OTOG: variants seen among roughly 807,000 people sequenced by gnomAD.
OTOG encodes the protein otogelin.
In OTOG, 296 loss-of-function variants were observed where a neutral mutation model predicts 313.8. The observed-to-expected ratio is 0.94, with a 90% CI of 0.86 to 1.04. The LOEUF is 1.04. OTOG is among the 50% of genes least tolerant of loss of function. The pLI, the probability that OTOG is intolerant of heterozygous loss-of-function variation, is 0.00. For synonymous variants in OTOG, 1,533 were observed against 1,554.9 expected (o/e 0.99, Z 0.33); for missense variants, 3,948 against 3,840.1 (o/e 1.03, Z -0.74).
chr11:17,551,358 T>C (rs1214844408), intron 3 of OTOG, among the ~76,000 whole-genome samples: 1 of 152,194 alleles, frequency 6.6e-6, no homozygotes, highest in Admixed American at 6.5e-5. Flanking sequence ...GGAGAGACCA[T>C]GCTCTGGGAG....
At chr11:17,599,842 A>G in intron 31 of OTOG, 145 bp downstream of exon 31, 1 of 978,074 alleles carries the variant, frequency 1.0e-6, no homozygotes, top group Non-Finnish European at 1.5e-6. Flanking sequence ...TCATGCAGAG[A>G]GAGCCCTGAC....
intron 23 of OTOG, among the ~76,000 whole-genome samples, chr11:17,583,880 G>T (rs1246341100): frequency 1.3e-5 from 2 of 151,998 alleles, no homozygotes; most frequent in African/African-American, 2.4e-5. Flanking sequence ...AAACTGTGTT[G>T]AATTTATAGA....
At chr11:17,584,975 T>C (rs1188488176) in intron 23 of OTOG, among the ~76,000 whole-genome samples, 2 of 152,268 alleles carry the variant, frequency 1.3e-5, no homozygotes, top group Non-Finnish European at 2.9e-5. Flanking sequence ...TTATTTAATA[T>C]TCTGTGGTCT....
intron 11 of OTOG, 78 bp downstream of exon 11, chr11:17,559,239 TCC>T: frequency 8.8e-7 from 1 of 1,132,862 alleles, no homozygotes; most frequent in Non-Finnish European, 1.2e-6. Context: ...CAATGTCTTG[TCC>T]TGCTCAGAAT....
chr11:17,562,904 C>G (rs1165719081), intron 15 of OTOG, among the ~76,000 whole-genome samples: 1 of 152,192 alleles, frequency 6.6e-6, no homozygotes, highest in African/African-American at 2.4e-5. Context: ...CATGGCTCCA[C>G]CTCCCTGGGC....
Position 17,609,688 on chromosome 11 carries a change from C to T in OTOG, c.4388C>T (p.Ala1463Val). 1 of 1,513,640 alleles carries T rather than the reference C, an allele frequency of 6.6e-7. No individual in the cohort carries two copies. The highest frequency in any genetic ancestry group is 8.9e-7 in the Non-Finnish European group (1 of 1,128,200). 93.8% of individuals were successfully genotyped at this position (1,513,640 alleles called of 1,614,324 possible). The change falls in exon 36 of 56, where the codon GCC becomes GTC. Residue 1463 changes from alanine (A) to valine (V), a missense_variant. Physicochemically the swap from Ala to Val is moderately conservative, Grantham distance 64. Coordinates refer to ENST00000399397, the MANE Select transcript of OTOG (RefSeq NM_001292063.2). Reference sequence around the variant, plus strand: ...CCAGCAGTTTGGGTTCCCACAGAGGCCCTTGGCAATGAGACCCTCCCTCCC... The same window carrying T: ...CCAGCAGTTTGGGTTCCCACAGAGGTCCTTGGCAATGAGACCCTCCCTCCC... ...VEPAVWVPTEALGNETLPPSQ... is the reference protein window; with the variant it reads ...VEPAVWVPTEVLGNETLPPSQ...
chr11:17,600,297 G>T (rs1017412188), intron 31 of OTOG, among the ~76,000 whole-genome samples: 4 of 152,054 alleles, frequency 2.6e-5, no homozygotes, highest in Non-Finnish European at 2.9e-5. Context: ...GGTGGGTGGG[G>T]TAGAGAAGGG....
At chr11:17,624,161 G>C (rs184763550) in intron 39 of OTOG, among the ~76,000 whole-genome samples, 15 of 152,184 alleles carry the variant, frequency 9.9e-5, no homozygotes, top group African/African-American at 2.9e-4. Flanking sequence ...AGTTTAATTA[G>C]ATCCCATTTG....
chr11:17,608,810 G>C (rs1436482055), intron 34 of OTOG, among the ~76,000 whole-genome samples: 1 of 152,202 alleles, frequency 6.6e-6, no homozygotes, highest in Non-Finnish European at 1.5e-5. Flanking sequence ...ATGAGGCCAT[G>C]TGAGAATGTG....
At position 17,593,697 on chromosome 11, in the gene OTOG, A is replaced by G. The variant is rs56359117; in HGVS notation, c.3229A>G (p.Ile1077Val). 7.5e-4 allele frequency: 1,159 copies of G among 1,548,966 alleles called. 1 individual carries two copies. Among genetic ancestry groups the G allele is most frequent in the South Asian group, 1.2e-3 (104 of 83,982 alleles). ...ACTGGTGCATTTCCCACAGGAGCAC[A>G]TCACCCTCTTGTGGGACCAGAGAAC... Reference protein sequence around the residue: ...FTLVHFPQEHITLLWDQRTTV... With the variant: ...FTLVHFPQEHVTLLWDQRTTV... The change falls in exon 27 of 56, where the codon ATC (isoleucine) becomes GTC (valine). Residue 1077 changes from isoleucine to valine, a missense_variant. Physicochemically the swap from Ile to Val is conservative, Grantham distance 29 (BLOSUM62 3). Coordinates refer to ENST00000399397, the MANE Select transcript of OTOG (RefSeq NM_001292063.2).
Position 17,634,962 on chromosome 11 carries a change from G to A in OTOG, c.7585+14G>A. The A allele has an allele frequency of 1.3e-6, 2 of 1,496,630 alleles. No individual in the cohort carries two copies. Among genetic ancestry groups the A allele is most frequent in the African/African-American group, 1.4e-5 (1 of 71,438 alleles). The allele number at this position is 1,496,630 out of a possible 1,614,324, so 92.7% of individuals were successfully genotyped here. A position where few individuals can be genotyped will look rare whatever the true frequency, so the allele number is the denominator to read the frequency against. Reference sequence around the variant, plus strand: ...GCTACAGCTGTGGTGAGAGGCCCGGGGTGGGGAGGGTGGGGGACGGACTGA... The same window carrying A: ...GCTACAGCTGTGGTGAGAGGCCCGGAGTGGGGAGGGTGGGGGACGGACTGA... On this transcript the variant is annotated intron_variant, in intron 45 of 55. Coordinates refer to ENST00000399397, the MANE Select transcript of OTOG (RefSeq NM_001292063.2).
Position 17,641,904 on chromosome 11 carries a change from G to A in OTOG, c.8248G>A (p.Val2750Met), listed in dbSNP as rs528827851. 18 of 1,550,278 alleles carry A rather than the reference G, an allele frequency of 1.2e-5. No individual in the cohort carries two copies. The South Asian group carries it at 1.2e-4, about 10-fold the overall frequency. Residue 2750 changes from valine (V) to methionine (M), a missense_variant, in exon 52 of 56, where the codon GTG (valine) becomes ATG (methionine). Transcript: ENST00000399397. ...LAACCGSCRN[V>M]SCLFTFPNGT... ...TGCCTGCTGCGGCTCCTGCAGGAACGTGTCCTGTCTCTTCACCTTCCCCAA... is the reference window on the plus strand; with the variant it reads ...TGCCTGCTGCGGCTCCTGCAGGAACATGTCCTGTCTCTTCACCTTCCCCAA...
At chr11:17,576,026 C>G (rs530991719) in intron 20 of OTOG, among the ~76,000 whole-genome samples, 1 of 152,306 alleles carries the variant, frequency 6.6e-6, no homozygotes, top group South Asian at 2.1e-4. Context: ...ATAAGAATCC[C>G]TACCTTACAG....
At chr11:17,575,309 A>G (rs1237108369) in intron 20 of OTOG, among the ~76,000 whole-genome samples, 1 of 152,260 alleles carries the variant, frequency 6.6e-6, no homozygotes. Context: ...GTTGCAAGAC[A>G]GACACATAAA....
At chr11:17,565,244 A>C (rs1252820856) in intron 15 of OTOG, among the ~76,000 whole-genome samples, 1 of 152,158 alleles carries the variant, frequency 6.6e-6, no homozygotes, top group Non-Finnish European at 1.5e-5. Flanking sequence ...GATAATCTTC[A>C]AAGTTTGAAG....
chr11:17,635,766 G>A, intron 47 of OTOG, 55 bp downstream of exon 47: 1 of 1,424,362 alleles, frequency 7.0e-7, no homozygotes, highest in Admixed American at 2.0e-5. Flanking sequence ...CCTTCACAGA[G>A]TTCCCACCCC....
rs563592133 is a variant in OTOG at position 17,595,386 on chromosome 11, TG to T, written c.3409-651del. On this transcript the variant is annotated intron_variant, in intron 28 of 55. Coordinates refer to ENST00000399397, the MANE Select transcript of OTOG (RefSeq NM_001292063.2). ...AGATTCAGCAGACATCGGAAACATC[TG>T]TATTAGTTATCTACTGCTATATAAA... is the stretch of plus-strand genomic sequence containing the variant. 4.1e-3 allele frequency among the ~76,000 whole-genome samples: 631 copies of T among 152,344 alleles called. 5 individuals carry two copies. Among genetic ancestry groups the T allele is most frequent in the African/African-American group, 0.014 (599 of 41,596 alleles).
At chr11:17,579,169 C>A (rs1042094899) in intron 23 of OTOG, among the ~76,000 whole-genome samples, 50 of 152,166 alleles carry the variant, frequency 3.3e-4, no homozygotes, top group Non-Finnish European at 7.1e-4. Flanking sequence ...ACAGCTGGCA[C>A]CTTATCCCAT....
intron 32 of OTOG, among the ~76,000 whole-genome samples, chr11:17,605,258 A>G (rs993227212): frequency 6.6e-6 from 1 of 152,210 alleles, no homozygotes; most frequent in African/African-American, 2.4e-5. Context: ...GAGACCAGAG[A>G]GAGAGGACAG....
Sources: gnomAD v4.1 joint callset for allele counts (sites outside exome capture counted in the v4.1 genomes callset) on GRCh38, gnomAD v4.1.1 for gene constraint, MANE v1.5 for transcripts, NCBI Gene and HGNC (gene_info 2026-07-23, HGNC 2026-07-21) for gene names.